DNAH14: variants seen among roughly 807,000 people sequenced by gnomAD.
DNAH14 encodes the protein axonemal beta dynein heavy chain 14.
A neutral mutation model predicts 520.9 loss-of-function variants in DNAH14; 478 were observed. The ratio of observed to expected loss-of-function variants is 0.92; its 90% CI spans 0.85 to 0.99. The LOEUF is 0.99. Among genes scored for constraint, DNAH14 ranks in the 50% least tolerant of loss-of-function variants. The probability of loss-of-function intolerance (pLI) is 0.00; values close to 1 mark genes in which losing one functional copy is unlikely to be tolerated. For synonymous variants in DNAH14, 1,581 were observed against 1,757.2 expected (o/e 0.90, Z 2.51); for missense variants, 4,831 against 5,234.5 (o/e 0.92, Z 2.38).
In DNAH14 at chr1:225,038,574, T is replaced by A. The variant is rs1039606157; in HGVS notation, c.1359-120T>A. 19 of 931,018 alleles carry A rather than the reference T, an allele frequency of 2.0e-5. No individual in the cohort carries two copies. The Admixed American group carries it at 5.8e-4, about 29-fold the overall frequency. The allele number at this position is 931,018 out of a possible 1,614,324, so 57.7% of individuals were successfully genotyped here. On this transcript the variant is annotated intron_variant, in intron 11 of 85. Transcript: ENST00000682510. ...GTATCTTCTTTGCAGAAAGGTCTAG[T>A]CAGGTCCTTTGCCTGTTTTTTAATT... is the stretch of plus-strand genomic sequence containing the variant.
chr1:225,174,754 T>C (rs1328300561), intron 36 of DNAH14, among the ~76,000 whole-genome samples: 1 of 152,184 alleles, frequency 6.6e-6, no homozygotes, highest in Non-Finnish European at 1.5e-5. Context: ...TTGTCCCAGA[T>C]CTTAGAAGAA....
At chr1:225,215,417 T>C (rs1220180731) in intron 41 of DNAH14, among the ~76,000 whole-genome samples, 1 of 152,222 alleles carries the variant, frequency 6.6e-6, no homozygotes, top group Non-Finnish European at 1.5e-5. Context: ...TAGATTTCTA[T>C]GAGGCCTGCT....
intron 17 of DNAH14, among the ~76,000 whole-genome samples, chr1:225,076,524 G>A (rs1336619263): frequency 1.3e-5 from 2 of 152,158 alleles, no homozygotes; most frequent in African/African-American, 2.4e-5. Flanking sequence ...TATGATTGCT[G>A]GAGAGTACGA....
intron 46 of DNAH14, among the ~76,000 whole-genome samples, chr1:225,261,208 T>C (rs189269205): frequency 1.8e-3 from 279 of 152,322 alleles, no homozygotes; most frequent in Non-Finnish European, 1.5e-3. Context: ...GGTATCCTTG[T>C]CTGGTTCCTG....
chr1:224,988,774 T>C (rs1262049663), intron 8 of DNAH14, among the ~76,000 whole-genome samples: 3 of 152,200 alleles, frequency 2.0e-5, no homozygotes, highest in Non-Finnish European at 4.4e-5. Flanking sequence ...GCTTCCCAAG[T>C]AGCTGGGACT....
intron 1 of DNAH14, among the ~76,000 whole-genome samples, chr1:224,939,718 A>C (rs558765371): frequency 1.3e-5 from 2 of 152,206 alleles, no homozygotes; most frequent in South Asian, 4.2e-4. Flanking sequence ...AACATGTTCA[A>C]ATAATAAACA....
chr1:225,088,451 A>G (rs1334905038), intron 21 of DNAH14, among the ~76,000 whole-genome samples: 2 of 152,212 alleles, frequency 1.3e-5, no homozygotes, highest in African/African-American at 2.4e-5. Context: ...TTAAAAATAT[A>G]ACATTGGAAA....
chr1:225,120,556 A>G (rs553651145), intron 26 of DNAH14, among the ~76,000 whole-genome samples: 9 of 152,368 alleles, frequency 5.9e-5, no homozygotes, highest in African/African-American at 2.2e-4. Flanking sequence ...ATTGTAAACT[A>G]AATTCCTTCC....
At chr1:225,215,157 C>T (rs935823467) in intron 41 of DNAH14, among the ~76,000 whole-genome samples, 8 of 150,958 alleles carry the variant, frequency 5.3e-5, no homozygotes, top group African/African-American at 1.5e-4. Flanking sequence ...GCCTTCATTT[C>T]GTTATATACC....
Position 225,140,821 on chromosome 1 carries a change from A to C in DNAH14, c.4308A>C (p.Ser1436=). Residue 1436 remains serine, a synonymous_variant, in exon 28 of 86, where the codon TCA becomes TCC. Coordinates refer to ENST00000682510, the MANE Select transcript of DNAH14 (RefSeq NM_001367479.1). The part of the protein sequence containing the change: ...DCVKSFVSSY[S]REKLEKVHAG... Reference sequence around the variant, plus strand: ...TTAAAAGTTTTGTGAGTTCTTATTCAAGAGAAAAATTGGAAAAAGTCCACG... The same window carrying C: ...TTAAAAGTTTTGTGAGTTCTTATTCCAGAGAAAAATTGGAAAAAGTCCACG... The C allele has an allele frequency of 1.9e-6, 3 of 1,550,864 alleles. No individual in the cohort carries two copies. The highest frequency in any genetic ancestry group is 2.6e-6 in the Non-Finnish European group (3 of 1,146,898).
chr1:225,080,754 A>T lies in DNAH14; in HGVS notation c.3136+6A>T, dbSNP rs2073023156. The T allele has an allele frequency of 6.7e-7, 1 of 1,496,550 alleles. No individual in the cohort carries two copies. 92.7% of individuals were successfully genotyped at this position (1,496,550 alleles called of 1,614,324 possible). On this transcript the variant is annotated splice_donor_region_variant and intron_variant, in intron 19 of 85. Transcript: ENST00000682510. ...AATCTCGGTACTAGAAAAAGGTAAA[A>T]ATGTGTTTCTCAAATTTTCCCACCT...
At chr1:225,236,536 G>A (rs868032986) in intron 42 of DNAH14, among the ~76,000 whole-genome samples, 5 of 152,232 alleles carry the variant, frequency 3.3e-5, no homozygotes, top group Middle Eastern at 6.8e-3. Flanking sequence ...TATCTACCAG[G>A]TCCACTTAAT....
intron 77 of DNAH14, among the ~76,000 whole-genome samples, chr1:225,368,685 T>A (rs1452876664): frequency 6.6e-6 from 1 of 152,196 alleles, no homozygotes. Context: ...CATTCATTTA[T>A]ATAATACAAC....
chr1:225,357,937 A>G, intron 73 of DNAH14: 1 of 683,268 alleles, frequency 1.5e-6, no homozygotes, highest in Non-Finnish European at 2.7e-6. Context: ...AATGATTTCC[A>G]GTATACCCTG....
chr1:225,075,991 A>AGCCCGGGTCAACAGATGGGAAG (rs2072225686), intron 17 of DNAH14, among the ~76,000 whole-genome samples: 1 of 152,006 alleles, frequency 6.6e-6, no homozygotes, highest in Non-Finnish European at 1.5e-5. Context: ...TGGCTGGTCC[A>AGCCCGGGTCAACAGATGGGAAG]GCCTAGGGCC....
At chr1:225,274,748 T>C (rs951686244) in intron 52 of DNAH14, among the ~76,000 whole-genome samples, 1 of 152,218 alleles carries the variant, frequency 6.6e-6, no homozygotes, top group African/African-American at 2.4e-5. Flanking sequence ...GTCAGTCCTA[T>C]GGACAGCAAA....
chr1:225,101,950 G>C (rs973882575), intron 23 of DNAH14, among the ~76,000 whole-genome samples: 2 of 151,228 alleles, frequency 1.3e-5, no homozygotes, highest in African/African-American at 4.9e-5. Flanking sequence ...GTGCAGGTTA[G>C]TTACATATGT....
At chr1:225,393,803 T>C (rs946327134) in intron 84 of DNAH14, among the ~76,000 whole-genome samples, 1 of 150,016 alleles carries the variant, frequency 6.7e-6, no homozygotes, top group African/African-American at 2.5e-5. Flanking sequence ...TGCAGTGATA[T>C]ATCTTTTTTT....
intron 11 of DNAH14, among the ~76,000 whole-genome samples, chr1:225,027,398 A>G (rs1161412043): frequency 6.6e-6 from 1 of 152,114 alleles, no homozygotes; most frequent in African/African-American, 2.4e-5. Flanking sequence ...TTTTTCACAG[A>G]TGCTTCCTAT....
Sources: gnomAD v4.1 joint callset for allele counts (sites outside exome capture counted in the v4.1 genomes callset) on GRCh38, gnomAD v4.1.1 for gene constraint, MANE v1.5 for transcripts, NCBI Gene and HGNC (gene_info 2026-07-23, HGNC 2026-07-21) for gene names.